RASAL1: variants seen among roughly 807,000 people sequenced by gnomAD.
RASAL1 encodes the protein RAS protein activator like 1, also known as rasGAP-activating-like protein 1.
In RASAL1, 72 loss-of-function variants were observed where a neutral mutation model predicts 96.6. That is an observed-to-expected ratio of 0.75 (90% CI 0.62 to 0.91). The LOEUF (loss-of-function observed/expected upper bound fraction) is 0.91. RASAL1 is among the 40% of genes least tolerant of loss of function. The pLI is 0.00. For synonymous variants in RASAL1, 405 were observed against 430.4 expected, an observed-to-expected ratio of 0.94 and a Z score of 0.73; for missense variants, 1,016 against 1,072.5, an observed-to-expected ratio of 0.95 and a Z score of 0.74.
chr12:113,131,937 T>TA (rs755604774), intron 1 of RASAL1, among the ~76,000 whole-genome samples: 1 of 150,680 alleles, frequency 6.6e-6, no homozygotes, highest in East Asian at 2.0e-4. Context: ...GACCTCCACC[T>TA]AAAATCATCT....
At chr12:113,125,163 A>G (rs933645396) in intron 4 of RASAL1, among the ~76,000 whole-genome samples, 1 of 152,088 alleles carries the variant, frequency 6.6e-6, no homozygotes, top group Non-Finnish European at 1.5e-5. Context: ...CATTAATGTT[A>G]GAAGGAATTA....
intron 7 of RASAL1, 126 bp from the exon 8 acceptor site, chr12:113,117,287 G>A (rs1156505275): frequency 1.6e-6 from 1 of 612,858 alleles, no homozygotes; most frequent in Non-Finnish European, 2.6e-6. Flanking sequence ...GCCTGCCAGG[G>A]GACCCCTCCT....
intron 3 of RASAL1, 33 bp from the exon 4 acceptor site, chr12:113,127,906 C>A: frequency 1.2e-6 from 2 of 1,609,562 alleles, no homozygotes; most frequent in South Asian, 2.2e-5. Context: ...AGGTCTGAGT[C>A]AGGGGCCCCT....
rs1375620345 is a variant in RASAL1, at chr12:113,129,050, T to G, written c.123-872A>C. ...ATTCGTTTACTCCATAAACATTCAC[T>G]TGGACTATGGGCCCAGCCTGTGCTG... On this transcript the variant is annotated intron_variant, in intron 2 of 20. Coordinates refer to ENST00000548055, the MANE Select transcript of RASAL1 (RefSeq NM_001301202.2). The surrounding 1 kb of genome is among the most constrained non-coding windows in gnomAD (Gnocchi z 5.0). Among the ~76,000 whole-genome samples the G allele has an allele frequency of 2.0e-5, 3 of 151,960 alleles. No individual in the cohort carries two copies. The highest frequency in any genetic ancestry group is 4.4e-5 in the Non-Finnish European group (3 of 67,988).
intron 1 of RASAL1, among the ~76,000 whole-genome samples, chr12:113,132,106 G>A (rs1244190143): frequency 6.6e-6 from 1 of 151,594 alleles, no homozygotes; most frequent in Non-Finnish European, 1.5e-5. Context: ...TGAGTAGCTG[G>A]GATTACAGGC....
chr12:113,119,775 G>A (rs1482238315), intron 5 of RASAL1, among the ~76,000 whole-genome samples: 1 of 151,746 alleles, frequency 6.6e-6, no homozygotes, highest in Non-Finnish European at 1.5e-5. Flanking sequence ...CCCCAGATGG[G>A]AAACTTGATG....
At position 113,129,022 on chromosome 12, in the gene RASAL1, T is replaced by C. The variant is rs1951602913; in HGVS notation, c.123-844A>G. On this transcript the variant is annotated intron_variant, in intron 2 of 20. Coordinates refer to ENST00000548055, the MANE Select transcript of RASAL1 (RefSeq NM_001301202.2). The surrounding 1 kb of genome is among the most constrained non-coding windows in gnomAD (Gnocchi z 5.0). Reference sequence around the variant, plus strand: ...ACACACAATTCCATTCATTCATTTGTTCATTCGTTTACTCCATAAACATTC... The same window carrying C: ...ACACACAATTCCATTCATTCATTTGCTCATTCGTTTACTCCATAAACATTC... Among the ~76,000 whole-genome samples, 1 of 151,856 alleles carries C rather than the reference T, an allele frequency of 6.6e-6. No individual in the cohort carries two copies. Among genetic ancestry groups the C allele is most frequent in the African/African-American group, 2.4e-5 (1 of 41,332 alleles).
At chr12:113,120,605 A>C (rs1287434935) in intron 5 of RASAL1, among the ~76,000 whole-genome samples, 3 of 152,088 alleles carry the variant, frequency 2.0e-5, no homozygotes, top group Admixed American at 2.0e-4. Flanking sequence ...AGGATGAGAG[A>C]GGAGTGGGGG....
intron 15 of RASAL1, 40 bp downstream of exon 15, chr12:113,107,057 G>C (rs1310442866): frequency 6.3e-7 from 1 of 1,581,084 alleles, no homozygotes; most frequent in Admixed American, 1.7e-5. Flanking sequence ...TGTCTCAACT[G>C]GGCTGAGAAG....
At position 113,114,847 on chromosome 12, in the gene RASAL1, C is replaced by A. The variant is rs1375524415; in HGVS notation, c.1134G>T (p.Lys378Asn). ...KPVISRVFEE[K>N]KYMELDPCKM... ...TGCAGGGATCCAGCTCCATGTACTT[C>A]TTCTCCTCAAAGACACGGCTAATCA... Residue 378 changes from lysine (K) to asparagine (N), a missense_variant, in exon 12 of 21, where the codon AAG becomes AAT. By Grantham distance (94) the Lys-to-Asn change is moderately conservative. Transcript: ENST00000548055. The A allele has an allele frequency of 7.4e-6, 12 of 1,614,190 alleles. No individual in the cohort carries two copies. The East Asian group carries it at 2.5e-4, about 33-fold the overall frequency.
rs750204036 is a variant in RASAL1, at chr12:113,105,892, A to T, written c.1658-6T>A. 1.3e-5 allele frequency: 21 copies of T among 1,610,788 alleles called. No homozygotes were observed. The South Asian group carries it at 2.1e-4, about 16-fold the overall frequency. On this transcript the variant is annotated splice_region_variant and splice_polypyrimidine_tract_variant and intron_variant, in intron 15 of 20. Transcript: ENST00000548055. ...CCTGGCTGGGACACCAGCTTCTAGGAGATGGGAGAAGAGAGCGGTGGACAG... is the reference window on the plus strand; with the variant it reads ...CCTGGCTGGGACACCAGCTTCTAGGTGATGGGAGAAGAGAGCGGTGGACAG...
chr12:113,121,960 C>G (rs1951311606), intron 4 of RASAL1, among the ~76,000 whole-genome samples: 1 of 152,072 alleles, frequency 6.6e-6, no homozygotes, highest in African/African-American at 2.4e-5. Flanking sequence ...TGAGATCAAG[C>G]GATCCACCCA....
intron 17 of RASAL1, 39 bp from the exon 18 acceptor site, chr12:113,104,120 C>T (rs370935296): frequency 5.0e-6 from 8 of 1,587,178 alleles, no homozygotes; most frequent in Non-Finnish European, 6.0e-6. Flanking sequence ...CGGGTGGGAA[C>T]AGAGGGACGC....
Position 113,104,099 on chromosome 12 carries a change from C to A in RASAL1, c.1969-18G>T, listed in dbSNP as rs12427427. On this transcript the variant is annotated intron_variant, in intron 17 of 20. Transcript: ENST00000548055. ...TTCACATTCTGCAGCGGGTGGGAGG[C>A]GATCAGGGGGCGGGTGGGAACAGAG... 217,978 of 1,561,850 alleles carry A rather than the reference C, an allele frequency of 0.14. 16,604 individuals carry two copies. Among genetic ancestry groups the A allele is most frequent in the Middle Eastern group, 0.17 (977 of 5,878 alleles).
At position 113,100,714 on chromosome 12, in the gene RASAL1, C is replaced by T. The variant is rs561295028; in HGVS notation, c.2226-34G>A. 50 of 1,578,950 alleles carry T rather than the reference C, an allele frequency of 3.2e-5. No individual in the cohort carries two copies. In the South Asian group the frequency reaches 5.4e-4, roughly 17 times the overall value. On this transcript the variant is annotated intron_variant, in intron 19 of 20. Coordinates refer to ENST00000548055, the MANE Select transcript of RASAL1 (RefSeq NM_001301202.2). ...TAAGAGGGAGAAAGACAAGTCTGGT[C>T]CCTGATTCCCATTCCTGCTTCCTAC...
Position 113,130,758 on chromosome 12 carries a change from C to T in RASAL1, c.122+127G>A. On this transcript the variant is annotated intron_variant, in intron 2 of 20. Coordinates refer to ENST00000548055, the MANE Select transcript of RASAL1 (RefSeq NM_001301202.2). The surrounding 1 kb of genome is among the most constrained non-coding windows in gnomAD (Gnocchi z 5.1). ...CAGTCCCAGCTGGACACAAATCACCCACCTGCAGGCCCGCGAGTCCCCCTC... is the reference window on the plus strand; with the variant it reads ...CAGTCCCAGCTGGACACAAATCACCTACCTGCAGGCCCGCGAGTCCCCCTC... 1 of 723,876 alleles carries T rather than the reference C, an allele frequency of 1.4e-6. No homozygotes were observed. Among genetic ancestry groups the T allele is most frequent in the Non-Finnish European group, 2.3e-6 (1 of 443,344 alleles). The allele number at this position is 723,876 out of a possible 1,614,324, so 44.8% of individuals were successfully genotyped here.
chr12:113,120,594 C>T (rs574629125), intron 5 of RASAL1, among the ~76,000 whole-genome samples: 14 of 152,162 alleles, frequency 9.2e-5, no homozygotes, highest in South Asian at 2.1e-4. Context: ...GGCAGAAAAA[C>T]AGGATGAGAG....
chr12:113,134,131 C>G (rs921570699), intron 1 of RASAL1, among the ~76,000 whole-genome samples: 2 of 152,190 alleles, frequency 1.3e-5, no homozygotes, highest in African/African-American at 4.8e-5. Flanking sequence ...GAGGGGACAT[C>G]TTAGAAAGAG....
In RASAL1 at chr12:113,135,433, G is replaced by A. The variant is rs143871397; in HGVS notation, c.30C>T (p.Arg10=). Reference sequence around the variant, plus strand: ...CAGGCAGCGCGCGGCCCTCCACCACGCGAACATTCAGGGAGCTGCTCTTGG... The same window carrying A: ...CAGGCAGCGCGCGGCCCTCCACCACACGAACATTCAGGGAGCTGCTCTTGG... MAKSSSLNV[R]VVEGRALPAK... Residue 10 remains arginine (R), a synonymous_variant, in exon 1 of 21, where the codon CGC becomes CGT. Transcript: ENST00000548055. This position sits in a 1 kb window ranked among gnomAD's most constrained non-coding sequence, Gnocchi z 5.7. 1.6e-5 allele frequency: 25 copies of A among 1,610,170 alleles called. No homozygotes were observed. Among genetic ancestry groups the A allele is most frequent in the Admixed American group, 1.0e-4 (6 of 59,780 alleles).
Sources: gnomAD v4.1 joint callset for allele counts (sites outside exome capture counted in the v4.1 genomes callset) on GRCh38, gnomAD v4.1.1 for gene constraint, Gnocchi (gnomAD v3.1) non-coding constraint, MANE v1.5 for transcripts, NCBI Gene and HGNC (gene_info 2026-07-23, HGNC 2026-07-21) for gene names.